The following BAHCC1 variants were observed in gnomAD, a reference collection of about 807,000 sequenced individuals.
BAHCC1 encodes BAH domain and coiled-coil containing 1, also known as BAH and coiled-coil domain-containing protein 1.
A neutral mutation model predicts 88.2 loss-of-function variants in BAHCC1; 43 were observed. The ratio of observed to expected loss-of-function variants is 0.49; its 90% confidence interval spans 0.38 to 0.63. The LOEUF (loss-of-function observed/expected upper bound fraction) is 0.63, where lower values mean the gene tolerates loss of function less well. BAHCC1 is among the 20% of genes least tolerant of loss of function. The probability of loss-of-function intolerance (pLI) is 0.00; values close to 1 mark genes in which losing one functional copy is unlikely to be tolerated. For missense variants in BAHCC1, 3,023 were observed against 1,654.8 expected, an observed-to-expected ratio of 1.83 and a Z score of -14.34; for synonymous variants, 1,510 against 745.5, an observed-to-expected ratio of 2.03 and a Z score of -16.71.
rs955923479 is a variant in BAHCC1 at position 81,427,697 on chromosome 17, A to C, written c.358+718A>C. 6.6e-5 allele frequency among the ~76,000 whole-genome samples: 10 copies of C among 152,244 alleles called. No individual in the cohort carries two copies. The South Asian group carries it at 2.1e-3, about 32-fold the overall frequency. On this transcript the variant is annotated intron_variant, in intron 3 of 27. Transcript: ENST00000675386. ...TTGCTGGTATTCCCTCGGCCACCCC[A>C]ACCCTACAGCGTGGGAAGGGTTAAG...
In BAHCC1 at chr17:81,399,149, G is replaced by GTA; in HGVS notation, c.-206-384_-206-383insAT. ...TGTGAGTGTGTGTGTGTGTGTGTGT[G>GTA]TGTGCGAGTGTGCGTGATGGCTTCG... On this transcript the variant is annotated intron_variant, in intron 1 of 27. Transcript: ENST00000675386. This position sits in a 1 kb window ranked among gnomAD's most constrained non-coding sequence, Gnocchi z 4.5. The GTA allele has an allele frequency of 2.6e-6, 1 of 385,594 alleles. No individual in the cohort carries two copies. Among genetic ancestry groups the GTA allele is most frequent in the Non-Finnish European group, 5.2e-6 (1 of 190,628 alleles). The allele number at this position is 385,594 out of a possible 1,614,324, so 23.9% of individuals were successfully genotyped here. A position where few individuals can be genotyped will look rare whatever the true frequency, so the allele number is the denominator to read the frequency against.
chr17:81,460,344 C>T lies in BAHCC1; in HGVS notation c.5973C>T (p.Gly1991=), dbSNP rs782818102. The change falls in exon 24 of 28, where the codon GGC becomes GGT. Residue 1991 remains glycine, a synonymous_variant. Transcript: ENST00000675386. ...TGGAATTTGACGATGGGGATACAGG[C>T]CACATCGCCGTCTCCAACGTCAGGC... The part of the protein sequence containing the change: ...VVVEFDDGDT[G]HIAVSNVRLL... 2.6e-6 allele frequency: 2 copies of T among 776,266 alleles called. No individual in the cohort carries two copies. The highest frequency in any genetic ancestry group is 4.8e-6 in the Non-Finnish European group (2 of 416,288). 48.1% of individuals were successfully genotyped at this position (776,266 alleles called of 1,614,324 possible).
At chr17:81,455,585 G>A (rs546251749) in intron 15 of BAHCC1, among the ~76,000 whole-genome samples, 195 bp downstream of exon 15, 101 of 152,188 alleles carry the variant, frequency 6.6e-4, no homozygotes, top group Non-Finnish European at 1.2e-3. Context: ...AGGTCTGACC[G>A]GGTGGCCCTG....
Position 81,415,465 on chromosome 17 carries a change from T to A in BAHCC1, c.179-11335T>A, listed in dbSNP as rs556943365. 6.2e-6 allele frequency: 3 copies of A among 486,914 alleles called. No individual in the cohort carries two copies. The Admixed American group carries it at 6.3e-5, about 10-fold the overall frequency. The allele number at this position is 486,914 out of a possible 1,614,324, so 30.2% of individuals were successfully genotyped here. On this transcript the variant is annotated intron_variant, in intron 2 of 27. Coordinates refer to ENST00000675386, the MANE Select transcript of BAHCC1 (RefSeq NM_001377448.1). ...GGTAACGCGAGCGCGAGGCCCCATG[T>A]GGTTGGAGCCAGCTGTACCAAAAGC...
chr17:81,425,394 G>T (rs2064172105), intron 2 of BAHCC1, among the ~76,000 whole-genome samples: 1 of 116,602 alleles, frequency 8.6e-6, no homozygotes, highest in African/African-American at 3.7e-5. Flanking sequence ...GGTTGGTGGT[G>T]ATAGTGGTGG....
At chr17:81,404,665 A>G (rs1886551336) in intron 2 of BAHCC1, among the ~76,000 whole-genome samples, 1 of 152,252 alleles carries the variant, frequency 6.6e-6, no homozygotes, top group Non-Finnish European at 1.5e-5. Context: ...TGTTTTAACA[A>G]TCAGGATACA....
chr17:81,460,809 G>A, intron 25 of BAHCC1, 57 bp from the exon 26 acceptor site: 1 of 768,964 alleles, frequency 1.3e-6, no homozygotes, highest in Non-Finnish European at 2.4e-6. Context: ...GGAGGGGCAG[G>A]TGGAGGCAGC....
chr17:81,397,951 T>C (rs953640467), intron 1 of BAHCC1, among the ~76,000 whole-genome samples: 4 of 152,264 alleles, frequency 2.6e-5, no homozygotes, highest in African/African-American at 9.6e-5. Context: ...TTTTCGGTTA[T>C]AGATTAAATC....
At chr17:81,410,192 C>T (rs532638096) in intron 2 of BAHCC1, 8 of 201,906 alleles carry the variant, frequency 4.0e-5, no homozygotes, top group South Asian at 2.4e-4. Context: ...CACGAGCTGC[C>T]GGAGGCACAT....
At chr17:81,395,951 C>G (rs996987372) in intron 1 of BAHCC1, 2 of 152,204 alleles carry the variant, frequency 1.3e-5, no homozygotes, top group African/African-American at 2.4e-5. Context: ...GCATTAAAAA[C>G]AAATACTCGA....
At chr17:81,427,652 C>G (rs2064215873) in intron 3 of BAHCC1, among the ~76,000 whole-genome samples, 1 of 152,214 alleles carries the variant, frequency 6.6e-6, no homozygotes, top group Non-Finnish European at 1.5e-5. Context: ...CCCTGGGCCC[C>G]CATGTCCTTG....
In BAHCC1 at chr17:81,462,190, A is replaced by G. The variant is rs1460014038; in HGVS notation, c.7383+144A>G. ...AATGTGGAAAACTCAAGGGAAGAACAAAGACCCATCCATGACCCAGTGAGG... is the reference window on the plus strand; with the variant it reads ...AATGTGGAAAACTCAAGGGAAGAACGAAGACCCATCCATGACCCAGTGAGG... On this transcript the variant is annotated intron_variant, in intron 26 of 27. Transcript: ENST00000675386. 3.4e-5 allele frequency: 20 copies of G among 594,006 alleles called. No individual in the cohort carries two copies. In the South Asian group the frequency reaches 3.5e-4, roughly 10 times the overall value. The allele number at this position is 594,006 out of a possible 1,614,324, so 36.8% of individuals were successfully genotyped here.
In BAHCC1 at chr17:81,456,559, C is replaced by T. The variant is rs1555657363; in HGVS notation, c.4832C>T (p.Pro1611Leu). ...GAGACACCCAGGTGCCCAGCCCAGC[C>T]CTCCGTGGCTGCGTCCCAGGAGGCA... Reference protein sequence around the residue: ...SRETPRCPAQPSVAASQEAGS... With the variant: ...SRETPRCPAQLSVAASQEAGS... The change falls in exon 16 of 28, where the codon CCC becomes CTC. Residue 1611 changes from proline to leucine, a missense_variant. By Grantham distance (98) the Pro-to-Leu change is moderately conservative. Coordinates refer to ENST00000675386, the MANE Select transcript of BAHCC1 (RefSeq NM_001377448.1). 1.4e-6 allele frequency: 1 copy of T among 709,660 alleles called. No individual in the cohort carries two copies. Among genetic ancestry groups the T allele is most frequent in the Admixed American group, 2.1e-5 (1 of 47,874 alleles). 44.0% of individuals were successfully genotyped at this position (709,660 alleles called of 1,614,324 possible).
chr17:81,465,728 AAG>A lies in BAHCC1; in HGVS notation c.*1912_*1913del, dbSNP rs1314283992. The A allele has an allele frequency of 1.3e-5, 2 of 152,250 alleles. No individual in the cohort carries two copies. Among genetic ancestry groups the A allele is most frequent in the East Asian group, 3.9e-4 (2 of 5,190 alleles). The allele number at this position is 152,250 out of a possible 1,614,324, so 9.4% of individuals were successfully genotyped here. On this transcript the variant is annotated 3_prime_UTR_variant, in exon 28 of 28. Coordinates refer to ENST00000675386, the MANE Select transcript of BAHCC1 (RefSeq NM_001377448.1). ...TCTCACCTGCTGGCTGGACCCCCTGAAGGGCCGTTCCCAGAGGCTCCCCAGGA... is the reference window on the plus strand; with the variant it reads ...TCTCACCTGCTGGCTGGACCCCCTGAGGCCGTTCCCAGAGGCTCCCCAGGA...
intron 14 of BAHCC1, among the ~76,000 whole-genome samples, chr17:81,453,645 C>T (rs2064690636): frequency 6.6e-6 from 1 of 151,946 alleles, no homozygotes; most frequent in African/African-American, 2.4e-5. Flanking sequence ...GGGGGGGTCT[C>T]CTGGGGTCTC....
chr17:81,403,746 C>T lies in BAHCC1; in HGVS notation c.178+3829C>T, dbSNP rs547519919. On this transcript the variant is annotated intron_variant, in intron 2 of 27. Transcript: ENST00000675386. ...GTTACTTTCCGAAGACGTCACCCGT[C>T]CCGCTCCATAAGTGACAGAGTTAGA... 2.0e-5 allele frequency among the ~76,000 whole-genome samples: 3 copies of T among 152,362 alleles called. No individual in the cohort carries two copies. In the East Asian group the frequency reaches 5.8e-4, roughly 29 times the overall value.
rs1555655805 is a variant in BAHCC1 at position 81,451,738 on chromosome 17, G to T, written c.4047G>T (p.Val1349=). ...CGCTGGCCACAGCCTGGTCCCTGGT[G>T]GAGGCCGCTGGCCTGGACAGCTCCA... ...LATLATAWSL[V]EAAGLDSSTA... Residue 1349 remains valine, a synonymous_variant, in exon 12 of 28, where the codon GTG becomes GTT. Coordinates refer to ENST00000675386, the MANE Select transcript of BAHCC1 (RefSeq NM_001377448.1). 1.3e-6 allele frequency: 1 copy of T among 775,268 alleles called. No individual in the cohort carries two copies. The highest frequency in any genetic ancestry group is 2.4e-6 in the Non-Finnish European group (1 of 417,536). The allele number at this position is 775,268 out of a possible 1,614,324, so 48.0% of individuals were successfully genotyped here.
At chr17:81,416,458 A>AGG (rs797034993) in intron 2 of BAHCC1, among the ~76,000 whole-genome samples, 41 of 16,556 alleles carry the variant, frequency 2.5e-3, no homozygotes, top group South Asian at 0.011. Context: ...GTGTCCATTG[A>AGG]GGGTGTGTGT....
At chr17:81,438,097 G>C (rs577465541) in intron 3 of BAHCC1, among the ~76,000 whole-genome samples, 36 of 152,352 alleles carry the variant, frequency 2.4e-4, no homozygotes, top group Middle Eastern at 3.4e-3. Context: ...GATCCTGAGT[G>C]CTGCTAGGAG....
Sources: allele counts gnomAD v4.1 joint callset (sites outside exome capture counted in the v4.1 genomes callset), GRCh38; gene constraint gnomAD v4.1.1; non-coding constraint Gnocchi (gnomAD v3.1); transcripts MANE v1.5; gene names NCBI Gene and HGNC (gene_info 2026-07-23, HGNC 2026-07-21).